VEPH1: variants seen among roughly 807,000 people sequenced by gnomAD.
The protein encoded by VEPH1 is ventricular zone expressed PH domain containing 1.
In VEPH1, 80 loss-of-function variants were observed where a neutral mutation model predicts 85.2. That is an observed-to-expected ratio of 0.94 (90% CI 0.78 to 1.13). VEPH1 has a LOEUF of 1.13. Among genes scored for constraint, VEPH1 ranks in the 50% most tolerant of loss-of-function variants. VEPH1 has a pLI of 0.00. For missense variants in VEPH1, 955 were observed against 980.5 expected (o/e 0.97, Z 0.35); for synonymous variants, 297 against 348.0 (o/e 0.85, Z 1.63).
intron 12 of VEPH1, among the ~76,000 whole-genome samples, chr3:157,282,347 AG>A (rs1384771572): frequency 6.6e-6 from 1 of 152,206 alleles, no homozygotes; most frequent in African/African-American, 2.4e-5. Flanking sequence ...CTGGGACTAC[AG>A]GCACGTGCCA....
At chr3:157,261,814 T>C (rs1006809544) in intron 13 of VEPH1, among the ~76,000 whole-genome samples, 12 of 152,170 alleles carry the variant, frequency 7.9e-5, no homozygotes, top group African/African-American at 2.9e-4. Flanking sequence ...AGTGTTTGCA[T>C]AGACCAAACT....
chr3:157,424,936 C>G (rs1732638502), intron 5 of VEPH1, among the ~76,000 whole-genome samples: 1 of 152,190 alleles, frequency 6.6e-6, no homozygotes. Flanking sequence ...ATGTTAATCC[C>G]CAAGACAATG....
In VEPH1 at chr3:157,438,069, A is replaced by ACACACC. The variant is rs1237245016; in HGVS notation, c.530-9582_530-9581insGGTGTG. 1.8e-3 allele frequency among the ~76,000 whole-genome samples: 274 copies of ACACACC among 149,632 alleles called. 2 individuals are homozygous for ACACACC. Among genetic ancestry groups the ACACACC allele is most frequent in the African/African-American group, 4.2e-3 (168 of 40,178 alleles). Reference sequence around the variant, plus strand: ...CACACACACACACACACACACACACACACCCCTATTTCTGCATGCGCGGTC... The same window carrying ACACACC: ...CACACACACACACACACACACACACACACACCCACCCCTATTTCTGCATGCGCGGTC... On this transcript the variant is annotated intron_variant, in intron 4 of 13. Coordinates refer to ENST00000362010, the MANE Select transcript of VEPH1 (RefSeq NM_001167912.2).
At chr3:157,291,277 C>CATA (rs1355528784) in intron 11 of VEPH1, among the ~76,000 whole-genome samples, 1 of 152,168 alleles carries the variant, frequency 6.6e-6, no homozygotes, top group Non-Finnish European at 1.5e-5. Flanking sequence ...AGTGCACATA[C>CATA]TCTAATGATA....
At chr3:157,294,400 A>G (rs1377734026) in intron 11 of VEPH1, among the ~76,000 whole-genome samples, 1 of 152,186 alleles carries the variant, frequency 6.6e-6, no homozygotes, top group Non-Finnish European at 1.5e-5. Context: ...CATTTTTGCA[A>G]ATAATGGTAT....
chr3:157,431,845 C>CAT (rs1478549081), intron 4 of VEPH1, among the ~76,000 whole-genome samples: 111 of 149,512 alleles, frequency 7.4e-4, no homozygotes, highest in African/African-American at 2.3e-3. Context: ...TATATATATA[C>CAT]ATATATATAT....
At chr3:157,435,321 CA>C (rs1358319318) in intron 4 of VEPH1, among the ~76,000 whole-genome samples, 1 of 152,136 alleles carries the variant, frequency 6.6e-6, no homozygotes, top group Non-Finnish European at 1.5e-5. Context: ...CTCATATGTT[CA>C]AATATCATTG....
intron 6 of VEPH1, among the ~76,000 whole-genome samples, chr3:157,392,865 C>T (rs73873668): frequency 0.012 from 1,771 of 152,280 alleles, 37 homozygotes; most frequent in African/African-American, 0.038. Context: ...AATTGTATCT[C>T]ACCCTATCCC....
At chr3:157,476,518 ACTT>A (rs56001590) in intron 2 of VEPH1, among the ~76,000 whole-genome samples, 31,014 of 152,092 alleles carry the variant, frequency 0.2, 3,395 homozygotes, top group East Asian at 0.36. Flanking sequence ...ACATACCATA[ACTT>A]CTTCTGCCCC....
At chr3:157,470,837 A>T (rs541729268) in intron 2 of VEPH1, among the ~76,000 whole-genome samples, 81 of 152,316 alleles carry the variant, frequency 5.3e-4, no homozygotes, top group African/African-American at 1.9e-3. Flanking sequence ...TTCAGTTTCT[A>T]AGTCCATTAC....
At chr3:157,405,590 T>C (rs907368113) in intron 6 of VEPH1, among the ~76,000 whole-genome samples, 2 of 152,156 alleles carry the variant, frequency 1.3e-5, no homozygotes, top group African/African-American at 2.4e-5. Context: ...TTGAAATGCT[T>C]CATGGTTTCT....
intron 6 of VEPH1, among the ~76,000 whole-genome samples, chr3:157,402,253 C>G (rs1217954869): frequency 6.6e-6 from 1 of 152,268 alleles, no homozygotes; most frequent in South Asian, 2.1e-4. Flanking sequence ...CTCTTACCCC[C>G]TAGCTTTATT....
chr3:157,477,415 A>G (rs546905696), intron 2 of VEPH1, among the ~76,000 whole-genome samples: 73 of 152,110 alleles, frequency 4.8e-4, no homozygotes, highest in African/African-American at 1.7e-3. Flanking sequence ...TATTAATTAT[A>G]TTATATCTGA....
At chr3:157,477,287 T>G (rs1393189271) in intron 2 of VEPH1, among the ~76,000 whole-genome samples, 1 of 151,858 alleles carries the variant, frequency 6.6e-6, no homozygotes, top group African/African-American at 2.4e-5. Flanking sequence ...CACTTCAACC[T>G]CTGCTTTTAT....
At chr3:157,297,586 C>A (rs1390431707) in intron 11 of VEPH1, among the ~76,000 whole-genome samples, 1 of 151,740 alleles carries the variant, frequency 6.6e-6, no homozygotes, top group African/African-American at 2.4e-5. Flanking sequence ...GTGGAAAGGG[C>A]AGGTTGTGGT....
intron 6 of VEPH1, among the ~76,000 whole-genome samples, chr3:157,393,521 T>C (rs1180720207): frequency 3.9e-5 from 6 of 152,330 alleles, no homozygotes; most frequent in Non-Finnish European, 5.9e-5. Flanking sequence ...ATAAGTTACT[T>C]AGTACAGCCT....
chr3:157,299,925 T>C (rs978330208), intron 11 of VEPH1, among the ~76,000 whole-genome samples: 20 of 152,336 alleles, frequency 1.3e-4, no homozygotes, highest in African/African-American at 4.6e-4. Context: ...CCATGGACTT[T>C]ACATGTATTA....
chr3:157,439,905 C>G (rs114228768), intron 4 of VEPH1, among the ~76,000 whole-genome samples: 2,223 of 152,238 alleles, frequency 0.015, 53 homozygotes, highest in African/African-American at 0.05. Flanking sequence ...TGCTCGCCAC[C>G]TTACCCAGCT....
chr3:157,366,460 C>T (rs1726709967), intron 7 of VEPH1, among the ~76,000 whole-genome samples: 1 of 152,054 alleles, frequency 6.6e-6, no homozygotes, highest in African/African-American at 2.4e-5. Flanking sequence ...CACTGCCAGG[C>T]ACGGTGGCTT....
Sources: gnomAD v4.1 joint callset for allele counts (sites outside exome capture counted in the v4.1 genomes callset) on GRCh38, gnomAD v4.1.1 for gene constraint, MANE v1.5 for transcripts, NCBI Gene and HGNC (gene_info 2026-07-23, HGNC 2026-07-21) for gene names.